Variants in TGFB2 observed in about 807,000 individuals in gnomAD.
The protein encoded by TGFB2 is transforming growth factor beta-2 proprotein.
In TGFB2, 13 loss-of-function variants were observed where a neutral mutation model predicts 42.7. The observed-to-expected ratio is 0.30, with a 90% CI of 0.20 to 0.48. The LOEUF is 0.48. Ranked by LOEUF, TGFB2 falls within the 20% of genes least tolerant of loss-of-function variation. The pLI, the probability that TGFB2 is intolerant of heterozygous loss-of-function variation, is 0.99. For missense variants in TGFB2, 390 were observed against 517.5 expected (o/e 0.75, Z 2.39); for synonymous variants, 193 against 193.6 (o/e 1.00, Z 0.03).
rs536591806 is a variant in TGFB2, at chr1:218,404,573, G to A, written c.347-596G>A. On this transcript the variant is annotated intron_variant, in intron 1 of 6. Transcript: ENST00000366930. ...CATAAAGAATTTTAAAACTGGATCTGGTATAAGCTAGTACGTGGGTTATAC... is the reference window on the plus strand; with the variant it reads ...CATAAAGAATTTTAAAACTGGATCTAGTATAAGCTAGTACGTGGGTTATAC... 3.9e-5 allele frequency among the ~76,000 whole-genome samples: 6 copies of A among 152,250 alleles called. No individual in the cohort carries two copies. The South Asian group carries it at 1.2e-3, about 32-fold the overall frequency.
chr1:218,356,934 G>A (rs894632132), intron 1 of TGFB2, among the ~76,000 whole-genome samples: 2 of 152,222 alleles, frequency 1.3e-5, no homozygotes, highest in African/African-American at 2.4e-5. Flanking sequence ...AGAGGAGGCC[G>A]GGTGCAGTGG....
intron 2 of TGFB2, among the ~76,000 whole-genome samples, chr1:218,432,392 G>A (rs1659834801): frequency 6.6e-6 from 1 of 152,176 alleles, no homozygotes. Context: ...TTGGACCACA[G>A]GGGCAGATCT....
At chr1:218,417,798 A>T (rs941616136) in intron 2 of TGFB2, among the ~76,000 whole-genome samples, 7 of 152,252 alleles carry the variant, frequency 4.6e-5, no homozygotes, top group Non-Finnish European at 1.5e-5. Context: ...AAAAGGGCCA[A>T]CATAGAGCTT....
chr1:218,366,144 A>C lies in TGFB2; in HGVS notation c.346+19097A>C, dbSNP rs1291404153. Reference sequence around the variant, plus strand: ...GGTTAGCCTGCCTAAAGGTTTTCCTATTAAGACATAAGAATCCAGTGTGTA... The same window carrying C: ...GGTTAGCCTGCCTAAAGGTTTTCCTCTTAAGACATAAGAATCCAGTGTGTA... On this transcript the variant is annotated intron_variant, in intron 1 of 6. Coordinates refer to ENST00000366930, the MANE Select transcript of TGFB2 (RefSeq NM_003238.6). 2.6e-5 allele frequency among the ~76,000 whole-genome samples: 4 copies of C among 152,234 alleles called. No individual in the cohort carries two copies. In the South Asian group the frequency reaches 8.3e-4, roughly 31 times the overall value.
At chr1:218,409,903 T>C (rs1338742254) in intron 2 of TGFB2, among the ~76,000 whole-genome samples, 4 of 152,190 alleles carry the variant, frequency 2.6e-5, no homozygotes, top group African/African-American at 4.8e-5. Flanking sequence ...TGATGTTCAG[T>C]AGGAGGAGAG....
chr1:218,405,836 A>G (rs1444539795), intron 2 of TGFB2, among the ~76,000 whole-genome samples: 1 of 152,080 alleles, frequency 6.6e-6, no homozygotes, highest in Non-Finnish European at 1.5e-5. Flanking sequence ...ATCACTCAGG[A>G]GGGAAGAACC....
At chr1:218,348,026 A>G (rs888659123) in intron 1 of TGFB2, among the ~76,000 whole-genome samples, 7 of 151,678 alleles carry the variant, frequency 4.6e-5, no homozygotes, top group Admixed American at 3.3e-4. Context: ...GATTTATTGC[A>G]GAGGAAGGGA....
chr1:218,349,942 T>G (rs901201946), intron 1 of TGFB2, among the ~76,000 whole-genome samples: 1 of 152,224 alleles, frequency 6.6e-6, no homozygotes, highest in African/African-American at 2.4e-5. Flanking sequence ...AGTTTTGAAT[T>G]TATTCATATT....
chr1:218,398,697 C>T (rs1658608093), intron 1 of TGFB2, among the ~76,000 whole-genome samples: 1 of 152,030 alleles, frequency 6.6e-6, no homozygotes, highest in African/African-American at 2.4e-5. Context: ...AAGCGATTCT[C>T]CTATCTCAGC....
chr1:218,405,433 C>T, intron 2 of TGFB2, 101 bp downstream of exon 2: 1 of 1,584,678 alleles, frequency 6.3e-7, no homozygotes, highest in Non-Finnish European at 8.6e-7. Context: ...GGCATGATCA[C>T]AGCTCACTGC....
intron 1 of TGFB2, among the ~76,000 whole-genome samples, chr1:218,374,149 G>A (rs1471999661): frequency 6.6e-6 from 1 of 152,114 alleles, no homozygotes; most frequent in Non-Finnish European, 1.5e-5. Flanking sequence ...CTGTTTTGTT[G>A]TTGCTTTTGT....
At chr1:218,359,288 A>G (rs1208755522) in intron 1 of TGFB2, among the ~76,000 whole-genome samples, 2 of 152,128 alleles carry the variant, frequency 1.3e-5, no homozygotes, top group African/African-American at 4.8e-5. Flanking sequence ...TAAAACATTA[A>G]GTTGTTTTGG....
chr1:218,355,913 T>C (rs1457848812), intron 1 of TGFB2, among the ~76,000 whole-genome samples: 1 of 152,128 alleles, frequency 6.6e-6, no homozygotes, highest in Non-Finnish European at 1.5e-5. Flanking sequence ...ATATGAAAAA[T>C]ATATAGAATC....
At chr1:218,394,189 G>A (rs539418557) in intron 1 of TGFB2, among the ~76,000 whole-genome samples, 5 of 152,238 alleles carry the variant, frequency 3.3e-5, no homozygotes, top group East Asian at 3.9e-4. Flanking sequence ...GATTATAGGC[G>A]TAAGCCACCG....
chr1:218,408,550 A>G (rs1199119884), intron 2 of TGFB2, among the ~76,000 whole-genome samples: 1 of 152,216 alleles, frequency 6.6e-6, no homozygotes, highest in Non-Finnish European at 1.5e-5. Flanking sequence ...GGGCTCAGCT[A>G]TACAACTCCT....
rs1443930140 is a variant in TGFB2 at position 218,444,307 on chromosome 1, C to G, written c.*2945C>G. ...AATGCAGAGAGATGTTTGCACCATG[C>G]TTTGGCTTTCTGGTTCTATGTTCTG... On this transcript the variant is annotated 3_prime_UTR_variant, in exon 7 of 7. Transcript: ENST00000366930. 6.6e-6 allele frequency: 1 copy of G among 152,218 alleles called. No homozygotes were observed. The highest frequency in any genetic ancestry group is 2.4e-5 in the African/African-American group (1 of 41,444). 9.4% of individuals were successfully genotyped at this position (152,218 alleles called of 1,614,324 possible). A position where few individuals can be genotyped will look rare whatever the true frequency, so the allele number is the denominator to read the frequency against.
At chr1:218,403,836 G>A (rs746385492) in intron 1 of TGFB2, among the ~76,000 whole-genome samples, 14 of 152,256 alleles carry the variant, frequency 9.2e-5, no homozygotes, top group Non-Finnish European at 1.5e-4. Context: ...AGAAAGAAAT[G>A]GAGCCACTAG....
chr1:218,436,013 T>A lies in TGFB2; in HGVS notation c.798T>A (p.Thr266=), dbSNP rs376354795. ...CATATACCAGTGGTGATCAGAAAAC[T>A]ATAAAGTCCACTAGGAAAAAAAACA... ...TSTYTSGDQK[T]IKSTRKKNSG... The change falls in exon 5 of 7, where the codon ACT becomes ACA. Residue 266 remains threonine (T), a synonymous_variant. Coordinates refer to ENST00000366930, the MANE Select transcript of TGFB2 (RefSeq NM_003238.6). The A allele has an allele frequency of 2.1e-5, 34 of 1,613,818 alleles. No homozygotes were observed. Among genetic ancestry groups the A allele is most frequent in the Middle Eastern group, 1.6e-4 (1 of 6,080 alleles).
intron 2 of TGFB2, among the ~76,000 whole-genome samples, chr1:218,430,445 A>G (rs567307155): frequency 2.6e-5 from 4 of 152,252 alleles, no homozygotes; most frequent in African/African-American, 9.6e-5. Flanking sequence ...TCATGAATCT[A>G]GAAAAACAAT....
Sources: allele counts gnomAD v4.1 joint callset (sites outside exome capture counted in the v4.1 genomes callset), GRCh38; gene constraint gnomAD v4.1.1; transcripts MANE v1.5; gene names NCBI Gene and HGNC (gene_info 2026-07-23, HGNC 2026-07-21).